PDCL2: variants seen among roughly 807,000 people sequenced by gnomAD.
PDCL2 encodes phosducin-like protein 2.
PDCL2 carries 23 observed loss-of-function variants against 30.3 expected under a neutral mutation model. That is an observed-to-expected ratio of 0.76 (90% CI 0.55 to 1.08). The LOEUF (loss-of-function observed/expected upper bound fraction) is 1.08, where lower values mean the gene tolerates loss of function less well. PDCL2 is among the 50% of genes least tolerant of loss of function. The pLI, the probability that PDCL2 is intolerant of heterozygous loss-of-function variation, is 0.00. For missense variants in PDCL2, 243 were observed against 282.3 expected, an observed-to-expected ratio of 0.86 and a Z score of 1.00; for synonymous variants, 68 against 86.2, an observed-to-expected ratio of 0.79 and a Z score of 1.17.
intron 3 of PDCL2, among the ~76,000 whole-genome samples, chr4:55,575,631 C>T (rs866421616): frequency 6.6e-6 from 1 of 152,158 alleles, no homozygotes; most frequent in Non-Finnish European, 1.5e-5. Flanking sequence ...ACATCATAAA[C>T]TACTGAAAGG....
At chr4:55,590,503 C>T (rs373582739) in intron 1 of PDCL2, among the ~76,000 whole-genome samples, 129 of 151,374 alleles carry the variant, frequency 8.5e-4, no homozygotes, top group South Asian at 7.1e-3. Flanking sequence ...TTTTTCCCCC[C>T]CGAGATGGAA....
At chr4:55,563,688 A>C (rs1305958572) in intron 4 of PDCL2, among the ~76,000 whole-genome samples, 1 of 152,190 alleles carries the variant, frequency 6.6e-6, no homozygotes, top group African/African-American at 2.4e-5. Flanking sequence ...CCAATGGGGG[A>C]CAGAAGCTTA....
chr4:55,567,682 C>T (rs757087554), intron 4 of PDCL2, among the ~76,000 whole-genome samples: 3 of 152,266 alleles, frequency 2.0e-5, no homozygotes, highest in Non-Finnish European at 4.4e-5. Context: ...CAATATATTG[C>T]CAGTCACTAA....
At chr4:55,573,672 G>A (rs1246328161) in intron 3 of PDCL2, among the ~76,000 whole-genome samples, 2 of 151,894 alleles carry the variant, frequency 1.3e-5, no homozygotes, top group Admixed American at 1.3e-4. Context: ...AATCACTTGA[G>A]CCCAGGAGAC....
At chr4:55,573,845 T>TA (rs201924394) in intron 3 of PDCL2, among the ~76,000 whole-genome samples, 3 of 150,312 alleles carry the variant, frequency 2.0e-5, no homozygotes, top group African/African-American at 4.9e-5. Context: ...TTTTATCAAG[T>TA]AAAAAAAAAG....
At chr4:55,588,678 A>G (rs75761868) in intron 1 of PDCL2, among the ~76,000 whole-genome samples, 5,149 of 152,250 alleles carry the variant, frequency 0.034, 103 homozygotes, top group Non-Finnish European at 0.054. Context: ...ATAAGGTTCC[A>G]ACTTCATTCT....
chr4:55,573,996 C>T (rs544096485), intron 3 of PDCL2, among the ~76,000 whole-genome samples: 129 of 151,690 alleles, frequency 8.5e-4, no homozygotes, highest in African/African-American at 2.5e-3. Flanking sequence ...CAGGTTCAAG[C>T]GATTCTCCTG....
chr4:55,560,569 T>C (rs1421209509), intron 5 of PDCL2, among the ~76,000 whole-genome samples: 1 of 152,172 alleles, frequency 6.6e-6, no homozygotes, highest in Non-Finnish European at 1.5e-5. Context: ...TGAGCCATAA[T>C]TGTGCCACTG....
intron 4 of PDCL2, among the ~76,000 whole-genome samples, chr4:55,568,266 C>G (rs559982520): frequency 6.6e-6 from 1 of 152,118 alleles, no homozygotes; most frequent in Non-Finnish European, 1.5e-5. Context: ...AAGGACTGAA[C>G]GAGAGAAACA....
chr4:55,556,595 C>T lies in PDCL2; in HGVS notation c.688G>A (p.Asp230Asn), dbSNP rs554094963. 33 of 1,572,368 alleles carry T rather than the reference C, an allele frequency of 2.1e-5. No individual in the cohort carries two copies. Among genetic ancestry groups the T allele is most frequent in the Non-Finnish European group, 2.9e-5 (33 of 1,155,848 alleles). The part of the protein sequence containing the change: ...SSIRNTSIHD[D>N]SDSSNSDNDT... ...TTATCACTGTTGGAGCTATCACTGT[C>T]ATCATGAATAGAAGTGTTTCTAATT... Residue 230 changes from aspartate (D) to asparagine (N), a missense_variant, in exon 6 of 6, where the codon GAC becomes AAC. Physicochemically the swap from Asp to Asn is conservative, Grantham distance 23. Coordinates refer to ENST00000295645, the MANE Select transcript of PDCL2 (RefSeq NM_152401.3).
At chr4:55,574,250 C>G (rs982560537) in intron 3 of PDCL2, among the ~76,000 whole-genome samples, 14 of 152,104 alleles carry the variant, frequency 9.2e-5, no homozygotes, top group African/African-American at 3.4e-4. Flanking sequence ...TGGTATCGCT[C>G]TTTAATCTCT....
At chr4:55,580,361 T>A (rs973728601) in intron 3 of PDCL2, among the ~76,000 whole-genome samples, 1 of 152,226 alleles carries the variant, frequency 6.6e-6, no homozygotes, top group Non-Finnish European at 1.5e-5. Context: ...TAAAAAGTAC[T>A]TTAGAAATTA....
rs1732687439 is a variant in PDCL2, at chr4:55,580,745, AAGAC to A, written c.218+72_218+75del. 6 of 1,062,696 alleles carry A rather than the reference AAGAC, an allele frequency of 5.6e-6. No homozygotes were observed. The South Asian group carries it at 1.1e-4, about 19-fold the overall frequency. The allele number at this position is 1,062,696 out of a possible 1,614,324, so 65.8% of individuals were successfully genotyped here. On this transcript the variant is annotated intron_variant, in intron 3 of 5. Transcript: ENST00000295645. ...TTGTTCTTTGTAAAATCTATGTGAC[AAGAC>A]AAATCTCTTTAGTTTTATTCTTATT... is the stretch of plus-strand genomic sequence containing the variant.
chr4:55,585,560 A>G (rs1265381678), intron 1 of PDCL2, among the ~76,000 whole-genome samples: 1 of 152,004 alleles, frequency 6.6e-6, no homozygotes, highest in Non-Finnish European at 1.5e-5. Flanking sequence ...ACACACACAC[A>G]CAAAGATTTA....
rs546790147 is a variant in PDCL2, at chr4:55,576,555, C to T, written c.218+4266G>A. 2.0e-5 allele frequency among the ~76,000 whole-genome samples: 3 copies of T among 152,260 alleles called. No individual in the cohort carries two copies. The East Asian group carries it at 5.8e-4, about 29-fold the overall frequency. ...TGGAGATGTGTTTACATGCTATTGACTCTAAGTTGGTATTATTCAAAGTAG... is the reference window on the plus strand; with the variant it reads ...TGGAGATGTGTTTACATGCTATTGATTCTAAGTTGGTATTATTCAAAGTAG... On this transcript the variant is annotated intron_variant, in intron 3 of 5. Coordinates refer to ENST00000295645, the MANE Select transcript of PDCL2 (RefSeq NM_152401.3).
intron 1 of PDCL2, among the ~76,000 whole-genome samples, chr4:55,583,698 T>C (rs1380712253): frequency 2.0e-5 from 3 of 152,210 alleles, no homozygotes; most frequent in East Asian, 1.9e-4. Flanking sequence ...TGTGTGTTCT[T>C]GTCCCCTTTG....
chr4:55,571,947 C>G (rs2110159283), intron 3 of PDCL2, among the ~76,000 whole-genome samples: 1 of 151,970 alleles, frequency 6.6e-6, no homozygotes, highest in East Asian at 2.0e-4. Flanking sequence ...TATCTAACTT[C>G]CCGCAATTTG....
intron 1 of PDCL2, among the ~76,000 whole-genome samples, chr4:55,586,983 A>G (rs187488402): frequency 6.9e-6 from 1 of 144,370 alleles, no homozygotes; most frequent in African/African-American, 2.9e-5. Flanking sequence ...ACGTCTATTC[A>G]AGTTTGTCTT....
intron 1 of PDCL2, among the ~76,000 whole-genome samples, chr4:55,584,892 C>T (rs2110167906): frequency 6.6e-6 from 1 of 152,230 alleles, no homozygotes. Flanking sequence ...GGTACATTCC[C>T]TCTATACCTA....
Sources: allele counts gnomAD v4.1 joint callset (sites outside exome capture counted in the v4.1 genomes callset), GRCh38; gene constraint gnomAD v4.1.1; transcripts MANE v1.5; gene names NCBI Gene and HGNC (gene_info 2026-07-23, HGNC 2026-07-21).